The following DLGAP4 variants were observed in gnomAD, a reference collection of about 807,000 sequenced individuals.
The protein encoded by DLGAP4 is disks large-associated protein 4.
A neutral mutation model predicts 86.9 loss-of-function variants in DLGAP4; 18 were observed. That is an observed-to-expected ratio of 0.21 (90% CI 0.14 to 0.31). DLGAP4 has a LOEUF of 0.31. DLGAP4 is among the 10% of genes least tolerant of loss of function. DLGAP4 has a pLI of 1.00. For synonymous variants in DLGAP4, 548 were observed against 574.3 expected (o/e 0.95, Z 0.65); for missense variants, 1,085 against 1,362.6 (o/e 0.80, Z 3.21).
intron 1 of DLGAP4, among the ~76,000 whole-genome samples, chr20:36,307,356 A>G (rs3922960): frequency 0.12 from 18,114 of 152,056 alleles, 2,933 homozygotes; most frequent in African/African-American, 0.37. Context: ...CTGGACGTGT[A>G]ATGGCCCTTG....
chr20:36,517,459 G>T (rs939526814), intron 10 of DLGAP4, among the ~76,000 whole-genome samples: 15 of 151,936 alleles, frequency 9.9e-5, no homozygotes, highest in African/African-American at 3.6e-4. Flanking sequence ...TAGAGATGAG[G>T]TTTCAACGTG....
intron 7 of DLGAP4, among the ~76,000 whole-genome samples, chr20:36,458,032 C>T (rs1011795490): frequency 6.6e-6 from 1 of 152,044 alleles, no homozygotes; most frequent in Non-Finnish European, 1.5e-5. Flanking sequence ...AGGTGCCTGA[C>T]AGGCTGGTGG....
chr20:36,522,266 C>T (rs368585205), intron 10 of DLGAP4, among the ~76,000 whole-genome samples: 2 of 152,048 alleles, frequency 1.3e-5, no homozygotes, highest in African/African-American at 4.8e-5. Flanking sequence ...ACAATCCTCC[C>T]GCCCCGCCTT....
At chr20:36,461,751 G>GGGCGC in intron 7 of DLGAP4, 1 of 618,848 alleles carries the variant, frequency 1.6e-6, no homozygotes, top group Non-Finnish European at 1.9e-6. Flanking sequence ...CCGTCCGTCC[G>GGGCGC]CCCGCCCGCC....
At chr20:36,351,885 A>C (rs1555893491) in intron 1 of DLGAP4, among the ~76,000 whole-genome samples, 1 of 152,108 alleles carries the variant, frequency 6.6e-6, no homozygotes, top group Non-Finnish European at 1.5e-5. Flanking sequence ...CTCGCTTTAG[A>C]AATGGGGGCT....
chr20:36,486,323 C>G (rs1314860377), intron 7 of DLGAP4, among the ~76,000 whole-genome samples: 3 of 152,118 alleles, frequency 2.0e-5, no homozygotes, highest in Admixed American at 2.0e-4. Context: ...AAGCAGAGTC[C>G]TTAAAGAATA....
At chr20:36,485,351 CA>C (rs548217372) in intron 7 of DLGAP4, among the ~76,000 whole-genome samples, 4,000 of 75,726 alleles carry the variant, frequency 0.053, 137 homozygotes, top group African/African-American at 0.14. Context: ...GACCCTGTCC[CA>C]AAAAAAAAAA....
At position 36,350,496 on chromosome 20, in the gene DLGAP4, G is replaced by A. The variant is rs951102215; in HGVS notation, c.-303-16549G>A. Among the ~76,000 whole-genome samples, 1 of 152,216 alleles carries A rather than the reference G, an allele frequency of 6.6e-6. No individual in the cohort carries two copies. Among genetic ancestry groups the A allele is most frequent in the Admixed American group, 6.5e-5 (1 of 15,286 alleles). ...ATATCTCAATTTGCAGGTGCTTAAT[G>A]AAAATGCATGCCTCACTTCCCTGGA... On this transcript the variant is annotated intron_variant, in intron 1 of 12. Coordinates refer to ENST00000339266, the MANE Select transcript of DLGAP4 (RefSeq NM_001365621.2). This position sits in a 1 kb window ranked among gnomAD's most constrained non-coding sequence, Gnocchi z 4.4.
At chr20:36,456,843 G>T (rs1267790667) in intron 7 of DLGAP4, among the ~76,000 whole-genome samples, 2 of 152,370 alleles carry the variant, frequency 1.3e-5, no homozygotes, top group Admixed American at 6.5e-5. Flanking sequence ...CCCTCAGGGG[G>T]TAGAGAAGTC....
rs960244141 is a variant in DLGAP4, at chr20:36,446,667, G to C, written c.1408-30G>C. 7.6e-6 allele frequency: 12 copies of C among 1,572,870 alleles called. No homozygotes were observed. The African/African-American group carries it at 1.5e-4, about 19-fold the overall frequency. On this transcript the variant is annotated intron_variant, in intron 6 of 12. Transcript: ENST00000339266. Reference sequence around the variant, plus strand: ...CCCCCCAGGATGGGCAAGATAGCCAGCTCCCTCATGCCTGCCTTTGCCTGG... The same window carrying C: ...CCCCCCAGGATGGGCAAGATAGCCACCTCCCTCATGCCTGCCTTTGCCTGG...
intron 8 of DLGAP4, chr20:36,499,382 C>T: frequency 6.5e-7 from 1 of 1,538,822 alleles, no homozygotes; most frequent in East Asian, 2.4e-5. Context: ...CGCCCGCCCG[C>T]CTGCCCGCCT....
chr20:36,371,422 G>A (rs1344771891), intron 2 of DLGAP4, among the ~76,000 whole-genome samples: 1 of 152,376 alleles, frequency 6.6e-6, no homozygotes, highest in South Asian at 2.1e-4. Context: ...CATTGGTGCA[G>A]TGAGGGAAAT....
chr20:36,512,254 G>A (rs1230748009), intron 10 of DLGAP4, among the ~76,000 whole-genome samples: 1 of 151,850 alleles, frequency 6.6e-6, no homozygotes, highest in East Asian at 1.9e-4. Flanking sequence ...GTTTCACCGT[G>A]TTAGCCAGGA....
At chr20:36,348,915 A>G (rs2030036761) in intron 1 of DLGAP4, among the ~76,000 whole-genome samples, 2 of 150,930 alleles carry the variant, frequency 1.3e-5, no homozygotes, top group Non-Finnish European at 3.0e-5. Flanking sequence ...AGCCTGGCCA[A>G]TATGGTAAAG....
chr20:36,453,932 T>C (rs1600552067), intron 7 of DLGAP4, among the ~76,000 whole-genome samples: 2 of 67,592 alleles, frequency 3.0e-5, no homozygotes, highest in Non-Finnish European at 5.3e-5. Context: ...AGACTCTGTC[T>C]CCAAAAAAAA....
intron 7 of DLGAP4, among the ~76,000 whole-genome samples, chr20:36,450,859 C>T (rs2033719029): frequency 6.6e-6 from 1 of 152,178 alleles, no homozygotes. Flanking sequence ...TGAAGTCCTT[C>T]TGAGCAACTG....
At chr20:36,446,605 G>A in intron 6 of DLGAP4, 92 bp from the exon 7 acceptor site, 10 of 1,267,584 alleles carry the variant, frequency 7.9e-6, no homozygotes, top group Non-Finnish European at 9.9e-6. Context: ...CCCACAGACT[G>A]TCCAGCCCTG....
intron 1 of DLGAP4, among the ~76,000 whole-genome samples, chr20:36,351,011 C>T (rs1332231072): frequency 6.6e-6 from 1 of 152,266 alleles, no homozygotes. Flanking sequence ...TTAATCTCAA[C>T]TCCAGCGTGT....
chr20:36,452,300 T>G (rs940190223), intron 7 of DLGAP4, among the ~76,000 whole-genome samples: 4 of 152,082 alleles, frequency 2.6e-5, no homozygotes, highest in African/African-American at 7.2e-5. Context: ...TGCCTCAGCC[T>G]CCCGAGTAGC....
Sources: gnomAD v4.1 joint callset for allele counts (sites outside exome capture counted in the v4.1 genomes callset) on GRCh38, gnomAD v4.1.1 for gene constraint, Gnocchi (gnomAD v3.1) non-coding constraint, MANE v1.5 for transcripts, NCBI Gene and HGNC (gene_info 2026-07-23, HGNC 2026-07-21) for gene names.